The following AP3B1 variants were observed in gnomAD, a reference collection of about 807,000 sequenced individuals.
The protein encoded by AP3B1 is AP-3 complex subunit beta-1.
A neutral mutation model predicts 132.5 loss-of-function variants in AP3B1; 61 were observed. The observed-to-expected ratio is 0.46, with a 90% CI of 0.37 to 0.57. AP3B1 has a LOEUF of 0.57. Among genes scored for constraint, AP3B1 ranks in the 20% least tolerant of loss-of-function variants. AP3B1 has a pLI of 0.00. For missense variants in AP3B1, 1,120 were observed against 1,289.4 expected, an observed-to-expected ratio of 0.87 and a Z score of 2.01; for synonymous variants, 388 against 438.3, an observed-to-expected ratio of 0.89 and a Z score of 1.43.
At chr5:78,280,683 AAAC>A (rs59326999) in intron 1 of AP3B1, among the ~76,000 whole-genome samples, 34,133 of 151,942 alleles carry the variant, frequency 0.22, 4,472 homozygotes, top group Middle Eastern at 0.31. Flanking sequence ...TTCTTTAAAA[AAAC>A]AACAACAACA....
chr5:78,043,713 G>A, intron 22 of AP3B1: 1 of 419,938 alleles, frequency 2.4e-6, no homozygotes, highest in Non-Finnish European at 4.7e-6. Flanking sequence ...TGTGCTTTGT[G>A]ATCACAACTA....
Position 78,158,407 on chromosome 5 carries a change from G to A in AP3B1, c.1364-2040C>T, listed in dbSNP as rs147222840. Among the ~76,000 whole-genome samples, 408 of 152,028 alleles carry A rather than the reference G, an allele frequency of 2.7e-3. 1 individual carries two copies. The highest frequency in any genetic ancestry group is 6.8e-3 in the Middle Eastern group (2 of 294). On this transcript the variant is annotated intron_variant, in intron 13 of 26. Transcript: ENST00000255194. ...AGGAAGGTTGAGGCTTCAGTGAGCC[G>A]TGATCACAACACTATACTCCAGCCT...
intron 2 of AP3B1, among the ~76,000 whole-genome samples, chr5:78,259,977 CA>C (rs1208551151): frequency 6.7e-6 from 1 of 148,570 alleles, no homozygotes; most frequent in Non-Finnish European, 1.5e-5. Flanking sequence ...CTCAAAAAAA[CA>C]AAAAACAAAA....
At chr5:78,228,872 C>T (rs1746509966) in intron 3 of AP3B1, among the ~76,000 whole-genome samples, 1 of 152,158 alleles carries the variant, frequency 6.6e-6, no homozygotes, top group African/African-American at 2.4e-5. Flanking sequence ...CTATGAATAC[C>T]AATTTAACGT....
At chr5:78,186,154 CCATAAA>C (rs1277515143) in intron 7 of AP3B1, among the ~76,000 whole-genome samples, 2 of 152,006 alleles carry the variant, frequency 1.3e-5, no homozygotes, top group African/African-American at 4.8e-5. Flanking sequence ...AAGAAATTCA[CCATAAA>C]CATAAAGATA....
intron 1 of AP3B1, among the ~76,000 whole-genome samples, chr5:78,274,463 CA>C (rs1748686953): frequency 6.6e-6 from 1 of 150,550 alleles, no homozygotes; most frequent in African/African-American, 2.5e-5. Context: ...GAGTATGAAA[CA>C]AAAGCAGTAT....
chr5:78,067,805 A>G (rs1749354327), intron 22 of AP3B1, among the ~76,000 whole-genome samples: 3 of 152,158 alleles, frequency 2.0e-5, no homozygotes, highest in Admixed American at 2.0e-4. Flanking sequence ...CCACATCAAA[A>G]AGCTAGAAAG....
chr5:78,151,061 G>T (rs1218607444), intron 14 of AP3B1, among the ~76,000 whole-genome samples: 1 of 152,050 alleles, frequency 6.6e-6, no homozygotes, highest in Non-Finnish European at 1.5e-5. Context: ...TGGGATTACA[G>T]GCACACACCA....
In AP3B1 at chr5:78,294,534, C is replaced by T; in HGVS notation, c.46G>A (p.Glu16Lys). 1 of 1,614,260 alleles carries T rather than the reference C, an allele frequency of 6.2e-7. No individual in the cohort carries two copies. ...FPYNEQSGGGEATELGQEATS... is the reference protein window; with the variant it reads ...FPYNEQSGGGKATELGQEATS... The stretch of plus-strand genomic sequence containing the variant: ...GCCTCCTGACCCAGCTCCGTCGCCT[C>T]CCCTCCTCCGGACTGCTCATTGTAA... The change falls in exon 1 of 27, where the codon GAG becomes AAG. Residue 16 changes from glutamate (E) to lysine (K), a missense_variant. Around this residue, in one of 3 missense-constraint regions of AP3B1, gnomAD observed 85 missense variants for 79.9 expected, o/e 1.06. Transcript: ENST00000255194.
chr5:78,110,841 C>T (rs929883179), intron 19 of AP3B1, among the ~76,000 whole-genome samples: 2 of 151,202 alleles, frequency 1.3e-5, no homozygotes, highest in Non-Finnish European at 3.0e-5. Flanking sequence ...TCACTGCAGC[C>T]TTGACCTCCC....
chr5:78,248,599 T>C (rs986067316), intron 2 of AP3B1, among the ~76,000 whole-genome samples: 1 of 151,472 alleles, frequency 6.6e-6, no homozygotes, highest in Admixed American at 6.6e-5. Context: ...TAGCCACCCA[T>C]ATTAAAAACC....
At chr5:78,127,386 G>A (rs1235655951) in intron 17 of AP3B1, among the ~76,000 whole-genome samples, 1 of 151,886 alleles carries the variant, frequency 6.6e-6, no homozygotes, top group African/African-American at 2.4e-5. Flanking sequence ...ACTTTTTCTT[G>A]TATATATGAG....
intron 17 of AP3B1, among the ~76,000 whole-genome samples, chr5:78,117,466 C>T (rs986329581): frequency 1.3e-4 from 19 of 151,890 alleles, no homozygotes; most frequent in Non-Finnish European, 1.9e-4. Context: ...CCCACCACCA[C>T]GCCCAGCTAA....
At chr5:78,269,878 T>G (rs1188905217) in intron 1 of AP3B1, among the ~76,000 whole-genome samples, 3 of 152,150 alleles carry the variant, frequency 2.0e-5, no homozygotes, top group African/African-American at 7.2e-5. Context: ...TGTGCCTTTT[T>G]CATTTTATTT....
intron 22 of AP3B1, among the ~76,000 whole-genome samples, chr5:78,040,716 A>AT (rs554750247): frequency 2.2e-3 from 337 of 152,244 alleles, no homozygotes; most frequent in Non-Finnish European, 3.3e-3. Flanking sequence ...CTTGATTAAG[A>AT]TTTTTTCCTG....
intron 26 of AP3B1, among the ~76,000 whole-genome samples, chr5:78,013,499 A>G (rs906508268): frequency 6.6e-6 from 1 of 152,232 alleles, no homozygotes; most frequent in African/African-American, 2.4e-5. Context: ...TTAAAACAAG[A>G]CTGCAGTATT....
intron 22 of AP3B1, among the ~76,000 whole-genome samples, chr5:78,061,699 C>T (rs183717280): frequency 1.4e-4 from 21 of 152,356 alleles, no homozygotes; most frequent in Admixed American, 3.9e-4. Context: ...AAGCTTCCAA[C>T]TGCATATTAT....
chr5:78,272,447 C>T (rs1447235623), intron 1 of AP3B1, among the ~76,000 whole-genome samples: 2 of 152,208 alleles, frequency 1.3e-5, no homozygotes, highest in African/African-American at 4.8e-5. Context: ...GACCATTACT[C>T]TTCCATCTTG....
chr5:78,025,011 T>C (rs1041224269), intron 24 of AP3B1, among the ~76,000 whole-genome samples: 2 of 152,130 alleles, frequency 1.3e-5, no homozygotes, highest in Non-Finnish European at 1.5e-5. Flanking sequence ...TATTTTTGTA[T>C]GTTTTAGTAA....
Sources: allele counts gnomAD v4.1 joint callset (sites outside exome capture counted in the v4.1 genomes callset), GRCh38; gene constraint gnomAD v4.1.1; regional missense constraint gnomAD v4.1.1; transcripts MANE v1.5; gene names NCBI Gene and HGNC (gene_info 2026-07-23, HGNC 2026-07-21).